The following CTSH variants were observed in gnomAD, a reference collection of about 807,000 sequenced individuals.
CTSH encodes the protein pro-cathepsin H.
Under a neutral mutation model 56.3 loss-of-function variants are expected in CTSH, and 52 were observed. That is an observed-to-expected ratio of 0.92 (90% CI 0.74 to 1.16). The LOEUF is 1.16. Ranked by LOEUF, CTSH falls within the 50% of genes most tolerant of loss-of-function variation. CTSH has a pLI of 0.00. For missense variants in CTSH, 406 were observed against 424.5 expected, an observed-to-expected ratio of 0.96 and a Z score of 0.38; for synonymous variants, 174 against 155.7, an observed-to-expected ratio of 1.12 and a Z score of -0.88.
At position 78,923,201 on chromosome 15, in the gene CTSH, C is replaced by T. The variant is rs527441420; in HGVS notation, c.807-83G>A. The stretch of plus-strand genomic sequence containing the variant: ...TCCCATCCAACAACGCCTCTTTGAG[C>T]GCTTTAGAGCAATGTTCCCCACAGC... On this transcript the variant is annotated intron_variant, in intron 10 of 11. Coordinates refer to ENST00000220166, the MANE Select transcript of CTSH (RefSeq NM_004390.5). The T allele has an allele frequency of 1.1e-4, 161 of 1,500,906 alleles. 1 individual carries two copies. The Middle Eastern group carries it at 1.2e-3, about 11-fold the overall frequency. 93.0% of individuals were successfully genotyped at this position (1,500,906 alleles called of 1,614,324 possible). A position where few individuals can be genotyped will look rare whatever the true frequency, so the allele number is the denominator to read the frequency against.
In CTSH at chr15:78,923,091, T is replaced by C. The variant is rs2054811990; in HGVS notation, c.834A>G (p.Lys278=). Residue 278 remains lysine, a synonymous_variant, in exon 11 of 12, where the codon AAA becomes AAG. Transcript: ENST00000220166. ...SSTSCHKTPD[K]VNHAVLAVGY... is the part of the protein sequence containing the mutation. ...CAACAGCCAGTACTGCATGGTTTAC[T>C]TTATCTGGAGTTTTATGGCAGGAAG... 1.2e-6 allele frequency: 2 copies of C among 1,612,550 alleles called. No homozygotes were observed. Among genetic ancestry groups the C allele is most frequent in the African/African-American group, 1.3e-5 (1 of 74,826 alleles).
At chr15:78,938,802 AGTTTT>A (rs1278973370) in intron 2 of CTSH, among the ~76,000 whole-genome samples, 5 of 151,252 alleles carry the variant, frequency 3.3e-5, no homozygotes, top group South Asian at 2.1e-4. Flanking sequence ...GTCATATGGT[AGTTTT>A]GTTTTGAGTT....
At chr15:78,933,950 T>C (rs1261521232) in intron 5 of CTSH, among the ~76,000 whole-genome samples, 2 of 152,116 alleles carry the variant, frequency 1.3e-5, no homozygotes, top group Non-Finnish European at 2.9e-5. Context: ...CAGGATCAGT[T>C]AACAGGAGGA....
intron 8 of CTSH, among the ~76,000 whole-genome samples, chr15:78,928,929 G>A (rs1199987881): frequency 1.3e-5 from 2 of 152,114 alleles, no homozygotes; most frequent in Non-Finnish European, 1.5e-5. Context: ...TAAAGGAGGA[G>A]CAACAGGTCT....
chr15:78,936,054 G>T (rs79479542), intron 3 of CTSH, among the ~76,000 whole-genome samples: 5 of 152,080 alleles, frequency 3.3e-5, no homozygotes, highest in Non-Finnish European at 5.9e-5. Context: ...CCCCTCGTGA[G>T]TCTGATGGAT....
intron 1 of CTSH, among the ~76,000 whole-genome samples, chr15:78,943,031 A>C (rs192955444): frequency 1.3e-5 from 2 of 152,294 alleles, no homozygotes; most frequent in East Asian, 1.9e-4. Flanking sequence ...CTTTAGAGGA[A>C]GACAGACCTC....
intron 1 of CTSH, among the ~76,000 whole-genome samples, chr15:78,940,947 G>A (rs2055274274): frequency 2.6e-5 from 4 of 151,842 alleles, no homozygotes; most frequent in Admixed American, 1.3e-4. Context: ...TGACAAGAGC[G>A]AAACTCCATC....
At chr15:78,924,144 T>G (rs971965518) in intron 10 of CTSH, among the ~76,000 whole-genome samples, 16 of 25,784 alleles carry the variant, frequency 6.2e-4, no homozygotes, top group Non-Finnish European at 8.5e-4. Context: ...AGGCTCCCTG[T>G]GGAGGCGGGG....
At chr15:78,938,669 C>T (rs1301478244) in intron 2 of CTSH, among the ~76,000 whole-genome samples, 2 of 152,160 alleles carry the variant, frequency 1.3e-5, no homozygotes, top group Non-Finnish European at 2.9e-5. Flanking sequence ...TTGATAGGCA[C>T]TTAGGTTGAT....
chr15:78,927,827 G>T, intron 8 of CTSH, 46 bp from the exon 9 acceptor site: 1 of 1,514,596 alleles, frequency 6.6e-7, no homozygotes, highest in Non-Finnish European at 9.2e-7. Flanking sequence ...TGGACCCGAA[G>T]TCTCAGCCTC....
chr15:78,939,067 T>G, intron 2 of CTSH, 73 bp downstream of exon 2: 1 of 1,354,304 alleles, frequency 7.4e-7, no homozygotes, highest in East Asian at 2.3e-5. Context: ...GTCTCAAATC[T>G]GGGACAGTTT....
intron 1 of CTSH, among the ~76,000 whole-genome samples, chr15:78,944,094 C>T (rs2055345768): frequency 6.6e-6 from 1 of 152,204 alleles, no homozygotes; most frequent in East Asian, 1.9e-4. Context: ...GTTCTTGGCT[C>T]CTTGGGTTGT....
intron 4 of CTSH, 71 bp from the exon 5 acceptor site, chr15:78,935,153 G>T (rs561860873): frequency 2.9e-6 from 3 of 1,032,668 alleles, no homozygotes; most frequent in Non-Finnish European, 4.5e-6. Flanking sequence ...ACAAGAAGAA[G>T]AAATGTATAA....
intron 8 of CTSH, among the ~76,000 whole-genome samples, chr15:78,928,566 A>G (rs2054970392): frequency 1.8e-5 from 1 of 55,168 alleles, no homozygotes; most frequent in Non-Finnish European, 2.7e-5. Flanking sequence ...CTCCGTCTCA[A>G]AAAAAAAAAA....
chr15:78,925,797 A>G, intron 9 of CTSH: 1 of 214,232 alleles, frequency 4.7e-6, no homozygotes, highest in Non-Finnish European at 9.6e-6. Flanking sequence ...TTGCTGCTAG[A>G]ACACAGGGGT....
Position 78,932,357 on chromosome 15 carries a change from T to C in CTSH, c.492+15A>G, listed in dbSNP as rs767532192. 11 of 1,612,464 alleles carry C rather than the reference T, an allele frequency of 6.8e-6. No individual in the cohort carries two copies. In the South Asian group the frequency reaches 1.2e-4, roughly 18 times the overall value. On this transcript the variant is annotated intron_variant, in intron 6 of 11. Coordinates refer to ENST00000220166, the MANE Select transcript of CTSH (RefSeq NM_004390.5). ...GGTGTCCTCCGCAGGGGGTCGCCTG[T>C]GGCTGATTTCTTACCAAGGACAGCA...
intron 2 of CTSH, among the ~76,000 whole-genome samples, chr15:78,938,565 G>C (rs1471728722): frequency 1.3e-5 from 2 of 152,024 alleles, no homozygotes; most frequent in East Asian, 3.9e-4. Context: ...ATGACCTCCA[G>C]TTCCATCCAT....
chr15:78,942,876 A>G (rs925568211), intron 1 of CTSH, among the ~76,000 whole-genome samples: 7 of 152,006 alleles, frequency 4.6e-5, no homozygotes, highest in African/African-American at 1.7e-4. Flanking sequence ...CAGCATTTAG[A>G]TCTCCGTTTT....
intron 2 of CTSH, among the ~76,000 whole-genome samples, chr15:78,938,529 A>G (rs1453228320): frequency 6.6e-6 from 1 of 152,110 alleles, no homozygotes; most frequent in Non-Finnish European, 1.5e-5. Context: ...TTGCCTTTCT[A>G]TGCTTGGCTT....
Sources: allele counts gnomAD v4.1 joint callset (sites outside exome capture counted in the v4.1 genomes callset), GRCh38; gene constraint gnomAD v4.1.1; transcripts MANE v1.5; gene names NCBI Gene and HGNC (gene_info 2026-07-23, HGNC 2026-07-21).